The following DGKQ variants were observed in gnomAD, a reference collection of about 807,000 sequenced individuals.
DGKQ encodes DAG kinase theta.
DGKQ carries 97 observed loss-of-function variants against 104.2 expected under a neutral mutation model. That is an observed-to-expected ratio of 0.93 (90% CI 0.79 to 1.10). The LOEUF (loss-of-function observed/expected upper bound fraction) is 1.10, where lower values mean the gene tolerates loss of function less well. Ranked by LOEUF, DGKQ falls within the 50% of genes least tolerant of loss-of-function variation. DGKQ has a pLI of 0.00. For missense variants in DGKQ, 1,465 were observed against 1,352.1 expected, an observed-to-expected ratio of 1.08 and a Z score of -1.31; for synonymous variants, 736 against 595.2, an observed-to-expected ratio of 1.24 and a Z score of -3.44.
In DGKQ at chr4:967,545, T is replaced by G; in HGVS notation, c.987+4A>C. On this transcript the variant is annotated splice_donor_region_variant and intron_variant, in intron 8 of 22. Transcript: ENST00000273814. ...GCTCAGACCTCCCCCAGCCTCCCCCTTACCAGCACCTCCTCGGCACCGGCC... is the reference window on the plus strand; with the variant it reads ...GCTCAGACCTCCCCCAGCCTCCCCCGTACCAGCACCTCCTCGGCACCGGCC... The G allele has an allele frequency of 3.1e-6, 5 of 1,611,908 alleles. No homozygotes were observed. The highest frequency in any genetic ancestry group is 4.2e-6 in the Non-Finnish European group (5 of 1,179,476).
chr4:967,465 T>A (rs1031018967), intron 8 of DGKQ, 84 bp downstream of exon 8: 9 of 1,471,222 alleles, frequency 6.1e-6, no homozygotes, highest in Non-Finnish European at 8.3e-6. Flanking sequence ...GGGCGCCAGG[T>A]TGGGGGAGCC....
Position 973,257 on chromosome 4 carries a change from G to C in DGKQ, c.226C>G (p.Leu76Val). ...AGCCCCCAGATGAAGTCGGAGCAGA[G>C]GTGGCAGAAGGTGGGCTTGGTGAGC... ...VTLTKPTFCHLCSDFIWGLAG... is the reference protein window; with the variant it reads ...VTLTKPTFCHVCSDFIWGLAG... Residue 76 changes from leucine (L) to valine (V), a missense_variant, in exon 1 of 23, where the codon CTC becomes GTC. By Grantham distance (32) the Leu-to-Val change is conservative. Transcript: ENST00000273814. 1 of 1,555,054 alleles carries C rather than the reference G, an allele frequency of 6.4e-7. No individual in the cohort carries two copies. Among genetic ancestry groups the C allele is most frequent in the Non-Finnish European group, 8.7e-7 (1 of 1,153,880 alleles).
At chr4:963,656 G>A (rs376221115) in intron 15 of DGKQ, among the ~76,000 whole-genome samples, 22 of 152,236 alleles carry the variant, frequency 1.4e-4, no homozygotes, top group East Asian at 3.8e-4. Flanking sequence ...CTGTGCCAGC[G>A]AGACCAAGGC....
rs1222336891 is a variant in DGKQ at position 959,425 on chromosome 4, T to C, written c.*1195A>G. On this transcript the variant is annotated 3_prime_UTR_variant, in exon 23 of 23. Coordinates refer to ENST00000273814, the MANE Select transcript of DGKQ (RefSeq NM_001347.4). ...GGGCTTCCCCACAGAGCGGGCTCCATTTTTGGTCAGACTCCTCCCGGGGCC... is the reference window on the plus strand; with the variant it reads ...GGGCTTCCCCACAGAGCGGGCTCCACTTTTGGTCAGACTCCTCCCGGGGCC... The C allele has an allele frequency of 2.6e-5, 4 of 152,220 alleles. No homozygotes were observed. Among genetic ancestry groups the C allele is most frequent in the African/African-American group, 9.7e-5 (4 of 41,448 alleles). 9.4% of individuals were successfully genotyped at this position (152,220 alleles called of 1,614,324 possible). A position where few individuals can be genotyped will look rare whatever the true frequency, so the allele number is the denominator to read the frequency against.
At position 973,118 on chromosome 4, in the gene DGKQ, C is replaced by G. The variant is rs1713065557; in HGVS notation, c.271+94G>C. 4.5e-6 allele frequency: 6 copies of G among 1,337,070 alleles called. No homozygotes were observed. The Admixed American group carries it at 1.1e-4, about 25-fold the overall frequency. The allele number at this position is 1,337,070 out of a possible 1,614,324, so 82.8% of individuals were successfully genotyped here. On this transcript the variant is annotated intron_variant, in intron 1 of 22. Coordinates refer to ENST00000273814, the MANE Select transcript of DGKQ (RefSeq NM_001347.4). ...CAGGGCTGGGACCCCGCCCTCCACT[C>G]CCCCGAAAGCGCCGGTGCCACCTCC...
Position 960,593 on chromosome 4 carries a change from C to G in DGKQ, c.*27G>C, listed in dbSNP as rs757886916. The G allele has an allele frequency of 6.3e-7, 1 of 1,595,972 alleles. No homozygotes were observed. The highest frequency in any genetic ancestry group is 1.1e-5 in the South Asian group (1 of 90,632). On this transcript the variant is annotated 3_prime_UTR_variant, in exon 23 of 23. Coordinates refer to ENST00000273814, the MANE Select transcript of DGKQ (RefSeq NM_001347.4). Reference sequence around the variant, plus strand: ...AAGGCTGGCGGGAGCAGAGATGGCTCGAGCCCTTGGGCTGCCCCAGCCACC... The same window carrying G: ...AAGGCTGGCGGGAGCAGAGATGGCTGGAGCCCTTGGGCTGCCCCAGCCACC...
chr4:961,483 G>A lies in DGKQ; in HGVS notation c.2558C>T (p.Thr853Met), dbSNP rs759369106. The A allele has an allele frequency of 2.1e-5, 34 of 1,602,494 alleles. No homozygotes were observed. The Admixed American group carries it at 2.7e-4, about 13-fold the overall frequency. Reference sequence around the variant, plus strand: ...GCGGCTCACCATGTGCACGACGCCCGTCACGCCCACAACCTCCAGCAGCCC... The same window carrying A: ...GCGGCTCACCATGTGCACGACGCCCATCACGCCCACAACCTCCAGCAGCCC... ...DDGLLEVVGV[T>M]GVVHMGQVQG... Residue 853 changes from threonine to methionine, a missense_variant, in exon 21 of 23, where the codon ACG (threonine) becomes ATG (methionine). Transcript: ENST00000273814.
Position 966,241 on chromosome 4 carries a change from G to A in DGKQ, c.1429-163C>T, listed in dbSNP as rs1712324604. 22 of 893,242 alleles carry A rather than the reference G, an allele frequency of 2.5e-5. No homozygotes were observed. The South Asian group carries it at 3.7e-4, about 15-fold the overall frequency. 55.3% of individuals were successfully genotyped at this position (893,242 alleles called of 1,614,324 possible). On this transcript the variant is annotated intron_variant, in intron 12 of 22. Transcript: ENST00000273814. ...AAGGGGCCACAGAGGCTTCCTTGCT[G>A]TGGACAACCCCTGTCCGTTCCCCTC...
rs1711894968 is a variant in DGKQ, at chr4:961,628, G to A, written c.2463-50C>T. The A allele has an allele frequency of 3.7e-6, 6 of 1,610,606 alleles. No homozygotes were observed. In the East Asian group the frequency reaches 1.1e-4, roughly 30 times the overall value. On this transcript the variant is annotated intron_variant, in intron 20 of 22. Coordinates refer to ENST00000273814, the MANE Select transcript of DGKQ (RefSeq NM_001347.4). ...GAGGTGTAGGTGCAGGCAGGACGAG[G>A]GCTGAGCCTGCCCATGGCCCCGCCG...
At chr4:973,079 G>T in intron 1 of DGKQ, 133 bp downstream of exon 1, 8 of 1,271,840 alleles carry the variant, frequency 6.3e-6, no homozygotes, top group Non-Finnish European at 8.0e-6. Context: ...CCCCACGAAG[G>T]CACGTCCCGC....
chr4:962,155 C>A, intron 18 of DGKQ, 73 bp from the exon 19 acceptor site: 1 of 1,352,944 alleles, frequency 7.4e-7, no homozygotes, highest in Non-Finnish European at 1.0e-6. Context: ...AACAGCTCTG[C>A]CGGCAGGCAG....
rs1262885342 is a variant in DGKQ at position 965,199 on chromosome 4, C to T, written c.1711G>A (p.Ala571Thr). Residue 571 changes from alanine (A) to threonine (T), a missense_variant, in exon 15 of 23, where the codon GCC (alanine) becomes ACC (threonine). Coordinates refer to ENST00000273814, the MANE Select transcript of DGKQ (RefSeq NM_001347.4). ...ACCAGCAGGTCGGGGAGCACCAGGG[C>T]AGTGAGCAGCCGGCCCCGCACAGCC... ...DMAVRGRLLT[A>T]LVLPDLLHAK... The T allele has an allele frequency of 6.2e-7, 1 of 1,612,480 alleles. No individual in the cohort carries two copies. Among genetic ancestry groups the T allele is most frequent in the Non-Finnish European group, 8.5e-7 (1 of 1,179,868 alleles).
rs1711963333 is a variant in DGKQ, at chr4:962,487, G to C, written c.2162C>G (p.Ala721Gly). The C allele has an allele frequency of 6.2e-7, 1 of 1,607,492 alleles. No individual in the cohort carries two copies. Among genetic ancestry groups the C allele is most frequent in the Non-Finnish European group, 8.5e-7 (1 of 1,179,502 alleles). The change falls in exon 18 of 23, where the codon GCC (alanine) becomes GGC (glycine). Residue 721 changes from alanine (A) to glycine (G), a missense_variant. Coordinates refer to ENST00000273814, the MANE Select transcript of DGKQ (RefSeq NM_001347.4). ...LMDRWTILLDAHEAGSAENDT... is the reference protein window; with the variant it reads ...LMDRWTILLDGHEAGSAENDT... ...GTTCTCTGCACTGCCAGCCTCGTGG[G>C]CATCCAGCAGGATGGTCCAGCGGTC...
rs2153012164 is a variant in DGKQ at position 973,447 on chromosome 4, C to A, written c.36G>T (p.Trp12Cys). 1 of 987,102 alleles carries A rather than the reference C, an allele frequency of 1.0e-6. No individual in the cohort carries two copies. The highest frequency in any genetic ancestry group is 1.8e-5 in the African/African-American group (1 of 56,978). The allele number at this position is 987,102 out of a possible 1,614,324, so 61.1% of individuals were successfully genotyped here. A position where few individuals can be genotyped will look rare whatever the true frequency, so the allele number is the denominator to read the frequency against. ...CGGGGCGCGGGGAGCCGCCGCCCAG[C>A]CAGGCGCGGGCCCCGGGCTCGGCCG... Reference protein sequence around the residue: ...AAAAEPGARAWLGGGSPRPGS... With the variant: ...AAAAEPGARACLGGGSPRPGS... The change falls in exon 1 of 23, where the codon TGG becomes TGT. Residue 12 changes from tryptophan to cysteine, a missense_variant. By Grantham distance (215) the Trp-to-Cys change is radical. Coordinates refer to ENST00000273814, the MANE Select transcript of DGKQ (RefSeq NM_001347.4).
intron 18 of DGKQ, 109 bp downstream of exon 18, chr4:962,326 G>T: frequency 8.7e-7 from 1 of 1,142,868 alleles, no homozygotes; most frequent in Admixed American, 2.3e-5. Flanking sequence ...AGGGGATGAT[G>T]CGGGCGCGTA....
chr4:972,982 G>C (rs903183300), intron 1 of DGKQ, among the ~76,000 whole-genome samples: 2 of 152,182 alleles, frequency 1.3e-5, no homozygotes, highest in Non-Finnish European at 2.9e-5. Context: ...CGCAGCCATC[G>C]CGCGGCACTA....
At chr4:968,692 G>T (rs1351740546) in intron 3 of DGKQ, 119 bp downstream of exon 3, 2 of 1,349,584 alleles carry the variant, frequency 1.5e-6, no homozygotes, top group Non-Finnish European at 2.0e-6. Context: ...GGCCTGCCAG[G>T]CGGCCAGCCC....
Position 963,136 on chromosome 4 carries a change from C to T in DGKQ, c.1886+3G>A, listed in dbSNP as rs1339779582. ...CCTGGACCAGGGGTCCTGCTGGACT[C>T]ACCCGGGAAGAGGACCTCCGTTGGT... On this transcript the variant is annotated splice_donor_region_variant and intron_variant, in intron 16 of 22. Transcript: ENST00000273814. 11 of 1,592,930 alleles carry T rather than the reference C, an allele frequency of 6.9e-6. No homozygotes were observed. The highest frequency in any genetic ancestry group is 1.7e-5 in the Admixed American group (1 of 59,050).
chr4:972,532 G>A (rs977891755), intron 1 of DGKQ, among the ~76,000 whole-genome samples: 1 of 136,720 alleles, frequency 7.3e-6, no homozygotes, highest in African/African-American at 2.7e-5. Flanking sequence ...CCAGAACTCC[G>A]GTCCTGTCCC....
Sources: allele counts gnomAD v4.1 joint callset (sites outside exome capture counted in the v4.1 genomes callset), GRCh38; gene constraint gnomAD v4.1.1; transcripts MANE v1.5; gene names NCBI Gene and HGNC (gene_info 2026-07-23, HGNC 2026-07-21).